The following SRGAP3 variants were observed in gnomAD, a reference collection of about 807,000 sequenced individuals.
SRGAP3 encodes the protein SLIT-ROBO Rho GTPase activating protein 3.
Under a neutral mutation model 121.1 loss-of-function variants are expected in SRGAP3, and 39 were observed. The ratio of observed to expected loss-of-function variants is 0.32; its 90% CI spans 0.25 to 0.42. The LOEUF is 0.42. Among genes scored for constraint, SRGAP3 ranks in the 10% least tolerant of loss-of-function variants. The pLI, the probability that SRGAP3 is intolerant of heterozygous loss-of-function variation, is 1.00. For missense variants in SRGAP3, 1,213 were observed against 1,470.6 expected (o/e 0.82, Z 2.86); for synonymous variants, 601 against 570.0 (o/e 1.05, Z -0.77).
intron 1 of SRGAP3, among the ~76,000 whole-genome samples, chr3:9,149,213 CAAAAAAA>C (rs548286364): frequency 8.8e-5 from 5 of 56,612 alleles, no homozygotes; most frequent in Admixed American, 1.9e-4. Flanking sequence ...GACTCCGTCT[CAAAAAAA>C]AAAAAAAAAA....
chr3:9,307,673 G>C (rs1188548470), intron 3 of SRGAP3, among the ~76,000 whole-genome samples: 1 of 152,172 alleles, frequency 6.6e-6, no homozygotes, highest in Non-Finnish European at 1.5e-5. Flanking sequence ...AGAAAAGAAA[G>C]CCTACACAGA....
intron 3 of SRGAP3, among the ~76,000 whole-genome samples, chr3:9,283,743 T>C (rs2125266579): frequency 6.6e-6 from 1 of 152,194 alleles, no homozygotes; most frequent in East Asian, 1.9e-4. Flanking sequence ...TGACACAAAA[T>C]GAACACATGT....
At chr3:9,064,861 TAATAAATAAATA>T (rs58800068) in intron 4 of SRGAP3, among the ~76,000 whole-genome samples, 23 of 149,850 alleles carry the variant, frequency 1.5e-4, no homozygotes, top group East Asian at 1.2e-3. Context: ...TAAAAAATAA[TAATAAATAAATA>T]AATAAATAAA....
At chr3:9,298,629 A>T (rs1954994902) in intron 3 of SRGAP3, among the ~76,000 whole-genome samples, 1 of 152,180 alleles carries the variant, frequency 6.6e-6, no homozygotes, top group Admixed American at 6.5e-5. Flanking sequence ...ATGTCCTGGG[A>T]CTTTCAGGTT....
chr3:9,318,864 C>G (rs2125281413), intron 3 of SRGAP3, among the ~76,000 whole-genome samples: 1 of 151,396 alleles, frequency 6.6e-6, no homozygotes, highest in South Asian at 2.1e-4. Context: ...GGGTGACAGA[C>G]TGAGACCGCA....
chr3:9,048,145 G>T (rs1427583465), intron 9 of SRGAP3, among the ~76,000 whole-genome samples: 1 of 152,228 alleles, frequency 6.6e-6, no homozygotes, highest in Admixed American at 6.5e-5. Flanking sequence ...CCTAGTTCAG[G>T]GCTCTGGCCC....
At chr3:9,081,662 A>G (rs1411827294) in intron 3 of SRGAP3, among the ~76,000 whole-genome samples, 2 of 152,234 alleles carry the variant, frequency 1.3e-5, no homozygotes, top group Non-Finnish European at 2.9e-5. Flanking sequence ...AAGGAGGTAT[A>G]GTCTGTAGTT....
intron 6 of SRGAP3, 140 bp downstream of exon 6, chr3:9,060,091 T>G: frequency 7.5e-7 from 1 of 1,336,240 alleles, no homozygotes; most frequent in Non-Finnish European, 1.1e-6. Flanking sequence ...TCACTGCCCT[T>G]CCCCTCCAGC....
chr3:9,346,138 T>C (rs1955887054), intron 1 of SRGAP3, among the ~76,000 whole-genome samples: 1 of 152,166 alleles, frequency 6.6e-6, no homozygotes, highest in Non-Finnish European at 1.5e-5. Context: ...TGCAAATTTC[T>C]TACTGCACAT....
In SRGAP3 at chr3:8,985,942, G is replaced by C; in HGVS notation, c.2887-10C>G. On this transcript the variant is annotated splice_polypyrimidine_tract_variant and intron_variant, in intron 21 of 21. Transcript: ENST00000383836. This position sits in a 1 kb window ranked among gnomAD's most constrained non-coding sequence, Gnocchi z 5.1. ...TGGTCTTCTCGATGTCCTGGGGACAGAGGGAGCTGGGGTCAGCACAGTCTG... is the reference window on the plus strand; with the variant it reads ...TGGTCTTCTCGATGTCCTGGGGACACAGGGAGCTGGGGTCAGCACAGTCTG... 1 of 1,599,688 alleles carries C rather than the reference G, an allele frequency of 6.3e-7. No homozygotes were observed. Among genetic ancestry groups the C allele is most frequent in the Non-Finnish European group, 8.5e-7 (1 of 1,179,930 alleles).
intron 1 of SRGAP3, among the ~76,000 whole-genome samples, chr3:9,161,660 C>T (rs763250089): frequency 2.6e-5 from 4 of 152,198 alleles, no homozygotes; most frequent in African/African-American, 9.7e-5. Context: ...TTGCATTCTC[C>T]TTTCCTTTGA....
chr3:9,006,954 C>G (rs936334295), intron 18 of SRGAP3: 2 of 106,598 alleles, frequency 1.9e-5, no homozygotes, highest in African/African-American at 3.8e-5. Flanking sequence ...GGTATAGAAT[C>G]TTTTTTTTTT....
intron 1 of SRGAP3, among the ~76,000 whole-genome samples, chr3:9,164,092 G>T (rs1379671057): frequency 7.0e-6 from 1 of 143,876 alleles, no homozygotes; most frequent in African/African-American, 2.6e-5. Flanking sequence ...CCGCCTCCCA[G>T]GTTCAAGCAA....
chr3:9,228,879 G>A (rs976477604), intron 1 of SRGAP3, among the ~76,000 whole-genome samples: 2 of 151,578 alleles, frequency 1.3e-5, no homozygotes, highest in African/African-American at 4.9e-5. Flanking sequence ...TGGCTAACAT[G>A]GTGAAACCCC....
rs568314755 is a variant in SRGAP3, at chr3:9,064,002, C to T, written c.672+394G>A. Among the ~76,000 whole-genome samples, 3 of 152,314 alleles carry T rather than the reference C, an allele frequency of 2.0e-5. 1 individual carries two copies. The South Asian group carries it at 6.2e-4, about 32-fold the overall frequency. On this transcript the variant is annotated intron_variant, in intron 5 of 21. Coordinates refer to ENST00000383836, the MANE Select transcript of SRGAP3 (RefSeq NM_014850.4). Reference sequence around the variant, plus strand: ...TCAGCAATCAGTTCCCACCTCACCCCCCGCCCCTACCCTTGGCCATCAAAT... The same window carrying T: ...TCAGCAATCAGTTCCCACCTCACCCTCCGCCCCTACCCTTGGCCATCAAAT...
At chr3:9,058,743 G>A (rs1278762294) in intron 6 of SRGAP3, 7 of 426,360 alleles carry the variant, frequency 1.6e-5, no homozygotes, top group Admixed American at 7.5e-5. Flanking sequence ...TTTTTGAGAC[G>A]GAGTCTAGCT....
intron 4 of SRGAP3, among the ~76,000 whole-genome samples, chr3:9,073,403 C>T (rs1287222193): frequency 1.3e-5 from 2 of 152,234 alleles, no homozygotes; most frequent in Non-Finnish European, 2.9e-5. Flanking sequence ...ACTTGGCCTC[C>T]CAAAGTGCCG....
intron 1 of SRGAP3, among the ~76,000 whole-genome samples, chr3:9,205,777 A>G (rs780891612): frequency 6.6e-6 from 1 of 152,226 alleles, no homozygotes; most frequent in Non-Finnish European, 1.5e-5. Flanking sequence ...TAGCCATACA[A>G]TAGGATATTA....
chr3:9,262,555 A>AAAAAAAAAAAAAAAAAAAAAAAT (rs1259893017), intron 3 of SRGAP3, among the ~76,000 whole-genome samples: 1 of 149,654 alleles, frequency 6.7e-6, no homozygotes, highest in African/African-American at 2.4e-5. Context: ...AAAAAAAAAA[A>AAAAAAAAAAAAAAAAAAAAAAAT]AGCAGTGGTT....
Sources: gnomAD v4.1 joint callset for allele counts (sites outside exome capture counted in the v4.1 genomes callset) on GRCh38, gnomAD v4.1.1 for gene constraint, Gnocchi (gnomAD v3.1) non-coding constraint, MANE v1.5 for transcripts, NCBI Gene and HGNC (gene_info 2026-07-23, HGNC 2026-07-21) for gene names.